Variants in ST3GAL5 observed in about 807,000 individuals in gnomAD.
ST3GAL5 encodes the protein ST3 beta-galactoside alpha-2,3-sialyltransferase 5.
A neutral mutation model predicts 46.1 loss-of-function variants in ST3GAL5; 25 were observed. That is an observed-to-expected ratio of 0.54 (90% CI 0.40 to 0.76). ST3GAL5 has a LOEUF of 0.76. Ranked by LOEUF, ST3GAL5 falls within the 30% of genes least tolerant of loss-of-function variation. ST3GAL5 has a pLI of 0.00. For synonymous variants in ST3GAL5, 182 were observed against 192.7 expected (o/e 0.94, Z 0.46); for missense variants, 431 against 521.2 (o/e 0.83, Z 1.69).
At chr2:85,881,025 G>C in intron 1 of ST3GAL5, 1 of 486,090 alleles carries the variant, frequency 2.1e-6, no homozygotes, top group Admixed American at 2.2e-5. Flanking sequence ...TTGTGGGAGG[G>C]ACCCAGGGGA....
rs1429601829 is a variant in ST3GAL5 at position 85,851,549 on chromosome 2, C to T, written c.319-3345G>A. Reference sequence around the variant, plus strand: ...CTTGCTTCAATGGTGCACAACCAGACATCATTGTCTTGGGGGCTTCCTCAG... The same window carrying T: ...CTTGCTTCAATGGTGCACAACCAGATATCATTGTCTTGGGGGCTTCCTCAG... On this transcript the variant is annotated intron_variant, in intron 3 of 6. Transcript: ENST00000638572. 3.1e-6 allele frequency: 4 copies of T among 1,289,286 alleles called. No homozygotes were observed. The African/African-American group carries it at 4.6e-5, about 15-fold the overall frequency. The allele number at this position is 1,289,286 out of a possible 1,614,324, so 79.9% of individuals were successfully genotyped here.
At chr2:85,883,603 G>A (rs1184323397) in intron 1 of ST3GAL5, among the ~76,000 whole-genome samples, 1 of 152,196 alleles carries the variant, frequency 6.6e-6, no homozygotes, top group Non-Finnish European at 1.5e-5. Context: ...CGGGAGCAGG[G>A]ACAGTGGGGA....
intron 1 of ST3GAL5, chr2:85,866,269 A>G (rs1685277058): frequency 2.0e-5 from 3 of 152,234 alleles, no homozygotes; most frequent in African/African-American, 7.2e-5. Context: ...CTGTTCAGCC[A>G]TAAGATGAAA....
chr2:85,870,391 A>C, intron 1 of ST3GAL5: 1 of 390,052 alleles, frequency 2.6e-6, no homozygotes, highest in South Asian at 1.9e-5. Flanking sequence ...GGCCATCACA[A>C]GGCTGGCCTG....
At chr2:85,866,255 C>G (rs1157633565) in intron 1 of ST3GAL5, 1 of 152,220 alleles carries the variant, frequency 6.6e-6, no homozygotes, top group Non-Finnish European at 1.5e-5. Flanking sequence ...GGTATCTGAA[C>G]CATCTGTTCA....
rs191164680 is a variant in ST3GAL5, at chr2:85,843,971, A to G, written c.1008+425T>C. On this transcript the variant is annotated intron_variant, in intron 6 of 6. Transcript: ENST00000638572. ...ACCTACAAAGTGATGATAAAAATCAATACTCACCTGAATGGCCCACAGAGT... is the reference window on the plus strand; with the variant it reads ...ACCTACAAAGTGATGATAAAAATCAGTACTCACCTGAATGGCCCACAGAGT... Among the ~76,000 whole-genome samples, 272 of 152,346 alleles carry G rather than the reference A, an allele frequency of 1.8e-3. 1 individual carries two copies. The highest frequency in any genetic ancestry group is 6.2e-3 in the African/African-American group (259 of 41,582).
chr2:85,870,678 C>CTT (rs898048174), intron 1 of ST3GAL5, among the ~76,000 whole-genome samples: 10 of 143,986 alleles, frequency 6.9e-5, no homozygotes, highest in Non-Finnish European at 7.7e-5. Flanking sequence ...TAATCGTACA[C>CTT]TTTTTTTTTT....
chr2:85,879,270 C>T (rs11687628), intron 1 of ST3GAL5, among the ~76,000 whole-genome samples: 64,290 of 151,788 alleles, frequency 0.42, 13,943 homozygotes, highest in Admixed American at 0.53. Context: ...GGACTTGGTG[C>T]CCAAGCCAGG....
chr2:85,843,086 T>G (rs1682349239), intron 6 of ST3GAL5, among the ~76,000 whole-genome samples: 1 of 152,188 alleles, frequency 6.6e-6, no homozygotes, highest in Admixed American at 6.5e-5. Flanking sequence ...TTTTCTCACT[T>G]AATATACTAT....
At chr2:85,850,236 T>C (rs948563253) in intron 3 of ST3GAL5, 2 of 152,368 alleles carry the variant, frequency 1.3e-5, no homozygotes, top group African/African-American at 4.8e-5. Context: ...ACACCATGCA[T>C]AGCCACTGCC....
chr2:85,851,255 A>T (rs976472897), intron 3 of ST3GAL5: 2 of 1,093,124 alleles, frequency 1.8e-6, no homozygotes, highest in Non-Finnish European at 2.2e-6. Flanking sequence ...CACATTTCTC[A>T]GTAGTCACCT....
intron 1 of ST3GAL5, among the ~76,000 whole-genome samples, chr2:85,885,194 T>A (rs748987205): frequency 1.3e-4 from 20 of 152,098 alleles, no homozygotes; most frequent in Non-Finnish European, 2.8e-4. Flanking sequence ...GAAGTAGACA[T>A]AAAGTATAGG....
chr2:85,865,607 GGTGGGAATCAGCAGGC>G, intron 1 of ST3GAL5, among the ~76,000 whole-genome samples: 1 of 152,288 alleles, frequency 6.6e-6, no homozygotes, highest in Middle Eastern at 3.4e-3. Flanking sequence ...TCAGCCAAGT[GGTGGGAATCAGCAGGC>G]TACCTGTAGC....
At chr2:85,864,571 G>C (rs1349488160) in intron 1 of ST3GAL5, among the ~76,000 whole-genome samples, 1 of 123,828 alleles carries the variant, frequency 8.1e-6, no homozygotes, top group Non-Finnish European at 1.7e-5. Context: ...ATTAAAAGCA[G>C]AAGTGTTACA....
At chr2:85,870,678 CTT>C (rs898048174) in intron 1 of ST3GAL5, among the ~76,000 whole-genome samples, 9 of 143,904 alleles carry the variant, frequency 6.3e-5, no homozygotes, top group African/African-American at 5.1e-5. Flanking sequence ...TAATCGTACA[CTT>C]TTTTTTTTTT....
At chr2:85,866,151 C>T (rs960139637) in intron 1 of ST3GAL5, 32 of 152,266 alleles carry the variant, frequency 2.1e-4, no homozygotes, top group African/African-American at 7.2e-4. Context: ...CACCTAAGCC[C>T]AGACCTGTAT....
Position 85,839,437 on chromosome 2 carries a change from AG to A in ST3GAL5, c.*706del, listed in dbSNP as rs1331684416. 6.5e-6 allele frequency: 1 copy of A among 153,254 alleles called. No individual in the cohort carries two copies. The highest frequency in any genetic ancestry group is 1.5e-5 in the Non-Finnish European group (1 of 68,798). 9.5% of individuals were successfully genotyped at this position (153,254 alleles called of 1,614,324 possible). ...TTGAAAGGGCAGTAAAAAATCCCCAAGGAATTCAAGAATTGTAATAATTGCT... is the reference window on the plus strand; with the variant it reads ...TTGAAAGGGCAGTAAAAAATCCCCAAGAATTCAAGAATTGTAATAATTGCT... On this transcript the variant is annotated 3_prime_UTR_variant, in exon 7 of 7. Transcript: ENST00000638572.
At chr2:85,873,723 C>T (rs1234739165) in intron 1 of ST3GAL5, among the ~76,000 whole-genome samples, 1 of 152,206 alleles carries the variant, frequency 6.6e-6, no homozygotes, top group African/African-American at 2.4e-5. Context: ...ATCCCACAAA[C>T]AGCTAAGAAC....
At position 85,880,874 on chromosome 2, in the gene ST3GAL5, G is replaced by A. The variant is rs770928994; in HGVS notation, c.82+7950C>T. 4.6e-5 allele frequency: 24 copies of A among 516,428 alleles called. No individual in the cohort carries two copies. In the Middle Eastern group the frequency reaches 4.1e-3, roughly 87 times the overall value. The allele number at this position is 516,428 out of a possible 1,614,324, so 32.0% of individuals were successfully genotyped here. On this transcript the variant is annotated intron_variant, in intron 1 of 6. Coordinates refer to ENST00000638572, the MANE Select transcript of ST3GAL5 (RefSeq NM_003896.4). ...TCTCATTTTAAAAAATAGACAAGTA[G>A]GTCTATTTTAACTTATCTATGTTGG...
Sources: allele counts gnomAD v4.1 joint callset (sites outside exome capture counted in the v4.1 genomes callset), GRCh38; gene constraint gnomAD v4.1.1; transcripts MANE v1.5; gene names NCBI Gene and HGNC (gene_info 2026-07-23, HGNC 2026-07-21).